Variants in HDAC9 observed in about 807,000 individuals in gnomAD.
HDAC9 encodes MEF-2 interacting transcription repressor (MITR) protein.
HDAC9 carries 41 observed loss-of-function variants against 139.4 expected under a neutral mutation model. That is an observed-to-expected ratio of 0.29 (90% CI 0.23 to 0.38). The LOEUF is 0.38. HDAC9 is among the 10% of genes least tolerant of loss of function. The pLI is 1.00. For missense variants in HDAC9, 1,147 were observed against 1,297.0 expected (o/e 0.88, Z 1.78); for synonymous variants, 517 against 476.2 (o/e 1.09, Z -1.12).
chr7:18,744,040 G>A, intron 13 of HDAC9, among the ~76,000 whole-genome samples: 1 of 125,272 alleles, frequency 8.0e-6, no homozygotes, highest in Admixed American at 8.8e-5. Context: ...TTTTGAGATG[G>A]AGTTTCGCTC....
At chr7:18,909,488 C>T (rs544169119) in intron 22 of HDAC9, among the ~76,000 whole-genome samples, 2 of 151,896 alleles carry the variant, frequency 1.3e-5, no homozygotes, top group African/African-American at 4.8e-5. Context: ...CAAAGCATTT[C>T]CCCTATGTTT....
chr7:18,732,967 G>GTA (rs1231726265), intron 13 of HDAC9, among the ~76,000 whole-genome samples: 6 of 132,492 alleles, frequency 4.5e-5, no homozygotes, highest in Admixed American at 1.5e-4. Context: ...GTGTGTATGT[G>GTA]TATATACACA....
chr7:18,375,654 T>C (rs1050385991), intron 1 of HDAC9, among the ~76,000 whole-genome samples: 1 of 152,142 alleles, frequency 6.6e-6, no homozygotes, highest in Admixed American at 6.5e-5. Context: ...TCCAGTGTGC[T>C]CTCATTTTTA....
intron 14 of HDAC9, among the ~76,000 whole-genome samples, chr7:18,758,213 T>A (rs1789054144): frequency 6.6e-6 from 1 of 152,182 alleles, no homozygotes. Context: ...CCAGATGAAA[T>A]CCATTCCTTA....
intron 2 of HDAC9, among the ~76,000 whole-genome samples, chr7:18,197,754 C>T (rs569105268): frequency 5.9e-5 from 9 of 152,148 alleles, no homozygotes; most frequent in Non-Finnish European, 1.2e-4. Context: ...AGTCCTTTTT[C>T]CCTAGCTTTA....
At chr7:18,817,056 A>G (rs1794616643) in intron 17 of HDAC9, among the ~76,000 whole-genome samples, 1 of 149,648 alleles carries the variant, frequency 6.7e-6, no homozygotes, top group Non-Finnish European at 1.5e-5. Flanking sequence ...TTTTTTTGAA[A>G]TGGAGTCTCG....
At chr7:18,166,589 G>A (rs1268170313) in intron 2 of HDAC9, among the ~76,000 whole-genome samples, 2 of 152,042 alleles carry the variant, frequency 1.3e-5, no homozygotes, top group African/African-American at 4.8e-5. Context: ...AACAATTTGG[G>A]GGCAAGCATT....
chr7:18,864,091 A>G (rs1042194512), intron 21 of HDAC9, among the ~76,000 whole-genome samples: 1 of 152,222 alleles, frequency 6.6e-6, no homozygotes, highest in Non-Finnish European at 1.5e-5. Context: ...TCTCACCAAC[A>G]GTGTACAAGT....
At chr7:18,781,098 T>C (rs953279029) in intron 16 of HDAC9, among the ~76,000 whole-genome samples, 2 of 152,038 alleles carry the variant, frequency 1.3e-5, no homozygotes, top group South Asian at 4.1e-4. Flanking sequence ...CACAAGCTTT[T>C]CTCTGTTCAT....
intron 1 of HDAC9, among the ~76,000 whole-genome samples, chr7:18,401,534 A>G (rs993393508): frequency 6.6e-6 from 1 of 152,154 alleles, no homozygotes; most frequent in Non-Finnish European, 1.5e-5. Flanking sequence ...GGTGATCATC[A>G]TGGTGGTGAT....
At chr7:18,922,360 A>C (rs1279087209) in intron 22 of HDAC9, among the ~76,000 whole-genome samples, 1 of 152,092 alleles carries the variant, frequency 6.6e-6, no homozygotes, top group African/African-American at 2.4e-5. Context: ...ATGATAGTCT[A>C]ATTTCTTTTT....
intron 22 of HDAC9, among the ~76,000 whole-genome samples, chr7:18,887,565 G>A (rs1800273695): frequency 6.6e-6 from 1 of 152,096 alleles, no homozygotes; most frequent in African/African-American, 2.4e-5. Flanking sequence ...AAAATGCTTT[G>A]CAAAATGTGA....
chr7:18,189,855 G>C (rs989089804), intron 2 of HDAC9, among the ~76,000 whole-genome samples: 1 of 152,070 alleles, frequency 6.6e-6, no homozygotes, highest in African/African-American at 2.4e-5. Context: ...AAGAGCATGA[G>C]ATATTTTTAT....
intron 1 of HDAC9, among the ~76,000 whole-genome samples, chr7:18,387,569 G>A (rs1786057617): frequency 6.6e-6 from 1 of 152,242 alleles, no homozygotes; most frequent in Non-Finnish European, 1.5e-5. Context: ...AAATGAGGAA[G>A]GAGGTAGGCT....
intron 21 of HDAC9, among the ~76,000 whole-genome samples, chr7:18,836,666 G>T (rs538624636): frequency 2.0e-5 from 3 of 152,068 alleles, no homozygotes; most frequent in South Asian, 2.1e-4. Flanking sequence ...CAAATCAAAG[G>T]CTTCTCTTTG....
At chr7:18,804,457 A>T (rs1793545851) in intron 17 of HDAC9, among the ~76,000 whole-genome samples, 1 of 152,218 alleles carries the variant, frequency 6.6e-6, no homozygotes, top group African/African-American at 2.4e-5. Context: ...TCTATTTCTA[A>T]TAGGGCATAA....
intron 17 of HDAC9, among the ~76,000 whole-genome samples, chr7:18,828,379 C>T (rs977742141): frequency 1.3e-5 from 2 of 152,182 alleles, no homozygotes; most frequent in African/African-American, 2.4e-5. Context: ...GCTGGCTTTG[C>T]AAGGATTTAT....
chr7:18,533,996 A>G (rs1809957796), intron 2 of HDAC9, among the ~76,000 whole-genome samples: 2 of 152,100 alleles, frequency 1.3e-5, no homozygotes, highest in African/African-American at 2.4e-5. Flanking sequence ...AACTTCCTCT[A>G]TTCGATAGAG....
intron 17 of HDAC9, among the ~76,000 whole-genome samples, chr7:18,793,732 A>T (rs2073962): frequency 0.83 from 126,445 of 152,120 alleles, 53,283 homozygotes; most frequent in African/African-American, 0.9. Flanking sequence ...TGGTTCAGGT[A>T]AAAAATACCT....
Sources: allele counts gnomAD v4.1 joint callset (sites outside exome capture counted in the v4.1 genomes callset), GRCh38; gene constraint gnomAD v4.1.1; transcripts MANE v1.5; gene names NCBI Gene and HGNC (gene_info 2026-07-23, HGNC 2026-07-21).